The following USP32 variants were observed in gnomAD, a reference collection of about 807,000 sequenced individuals.
USP32 encodes ubiquitin carboxyl-terminal hydrolase 32.
A neutral mutation model predicts 204.8 loss-of-function variants in USP32; 59 were observed. The observed-to-expected ratio is 0.29, with a 90% CI of 0.23 to 0.36. USP32 has a LOEUF of 0.36. Ranked by LOEUF, USP32 falls within the 10% of genes least tolerant of loss-of-function variation. The pLI is 1.00. For missense variants in USP32, 1,160 were observed against 1,946.4 expected, an observed-to-expected ratio of 0.60 and a Z score of 7.60; for synonymous variants, 517 against 678.4, an observed-to-expected ratio of 0.76 and a Z score of 3.70.
chr17:60,410,529 G>A (rs187372843), intron 1 of USP32, among the ~76,000 whole-genome samples: 27 of 152,068 alleles, frequency 1.8e-4, no homozygotes, highest in Admixed American at 9.8e-4. Context: ...TTAGCTGGGC[G>A]TGGTGGCAGG....
At chr17:60,226,335 T>A in intron 12 of USP32, 104 bp from the exon 13 acceptor site, 1 of 1,087,352 alleles carries the variant, frequency 9.2e-7, no homozygotes, top group Non-Finnish European at 1.3e-6. Context: ...AAGTCTCCTG[T>A]GGTTGGCCAC....
At chr17:60,321,387 A>G (rs997674382) in intron 2 of USP32, among the ~76,000 whole-genome samples, 3 of 152,208 alleles carry the variant, frequency 2.0e-5, no homozygotes, top group Non-Finnish European at 4.4e-5. Flanking sequence ...CATCATTATC[A>G]AGGATCTGAT....
rs755132565 is a variant in USP32, at chr17:60,271,334, A to G, written c.703+16T>C. 1 of 1,612,948 alleles carries G rather than the reference A, an allele frequency of 6.2e-7. No homozygotes were observed. The highest frequency in any genetic ancestry group is 1.1e-5 in the South Asian group (1 of 90,848). Reference sequence around the variant, plus strand: ...GTTTACCAGTGAACATATGTAGAAAATGGAATGATCCCTACCTTCACTTAG... The same window carrying G: ...GTTTACCAGTGAACATATGTAGAAAGTGGAATGATCCCTACCTTCACTTAG... On this transcript the variant is annotated intron_variant, in intron 6 of 33. Coordinates refer to ENST00000300896, the MANE Select transcript of USP32 (RefSeq NM_032582.4).
intron 2 of USP32, among the ~76,000 whole-genome samples, chr17:60,344,967 A>T (rs545390285): frequency 6.6e-6 from 1 of 152,288 alleles, no homozygotes; most frequent in South Asian, 2.1e-4. Context: ...CCGGTTAAAC[A>T]TATTATTTTT....
At chr17:60,252,253 A>G in intron 11 of USP32, 128 bp downstream of exon 11, 1 of 773,672 alleles carries the variant, frequency 1.3e-6, no homozygotes, top group South Asian at 2.0e-5. Context: ...TAACAAAAAT[A>G]TTTCAATATG....
intron 1 of USP32, among the ~76,000 whole-genome samples, chr17:60,380,542 T>C (rs1386291310): frequency 2.0e-5 from 3 of 152,132 alleles, no homozygotes; most frequent in Admixed American, 6.6e-5. Context: ...CACTCCAGCC[T>C]GGGTGGCATA....
At chr17:60,381,117 G>A (rs1446290105) in intron 1 of USP32, among the ~76,000 whole-genome samples, 2 of 152,156 alleles carry the variant, frequency 1.3e-5, no homozygotes, top group African/African-American at 4.8e-5. Context: ...AAGCACAGCA[G>A]CACTAGGTAG....
intron 24 of USP32, chr17:60,207,752 T>C (rs2084865206): frequency 4.4e-6 from 1 of 227,428 alleles, no homozygotes; most frequent in Non-Finnish European, 8.4e-6. Context: ...AGCAGCAGTC[T>C]TTGGTAACAG....
intron 9 of USP32, among the ~76,000 whole-genome samples, chr17:60,262,440 C>T (rs183527257): frequency 6.6e-6 from 1 of 152,362 alleles, no homozygotes; most frequent in African/African-American, 2.4e-5. Flanking sequence ...GATCCGCCCA[C>T]TGTGGCCTCC....
At chr17:60,385,841 A>C (rs1443441638) in intron 1 of USP32, among the ~76,000 whole-genome samples, 3 of 151,262 alleles carry the variant, frequency 2.0e-5, no homozygotes, top group Non-Finnish European at 4.4e-5. Context: ...TCTGTCTCAA[A>C]AAAAAAAAAA....
chr17:60,368,037 G>A (rs185616301), intron 1 of USP32, among the ~76,000 whole-genome samples: 5 of 152,192 alleles, frequency 3.3e-5, no homozygotes, highest in African/African-American at 4.8e-5. Context: ...AGAAACATGA[G>A]CATCCTTGGA....
intron 1 of USP32, among the ~76,000 whole-genome samples, chr17:60,408,971 G>A (rs1317627054): frequency 1.3e-5 from 2 of 152,160 alleles, no homozygotes; most frequent in African/African-American, 2.4e-5. Context: ...GCTACCCTAT[G>A]CTTATAAAAC....
chr17:60,347,283 C>T (rs1330672564), intron 1 of USP32, among the ~76,000 whole-genome samples: 1 of 151,210 alleles, frequency 6.6e-6, no homozygotes, highest in Non-Finnish European at 1.5e-5. Flanking sequence ...CTCCCAGGTT[C>T]AAGCAATTTG....
At chr17:60,261,623 G>A (rs2086455230) in intron 9 of USP32, among the ~76,000 whole-genome samples, 1 of 151,780 alleles carries the variant, frequency 6.6e-6, no homozygotes, top group Non-Finnish European at 1.5e-5. Flanking sequence ...TCCAGCCTGG[G>A]TGACAGAGCA....
Position 60,195,499 on chromosome 17 carries a change from G to A in USP32, c.3435-2569C>T, listed in dbSNP as rs142335014. On this transcript the variant is annotated intron_variant, in intron 27 of 33. Transcript: ENST00000300896. ...ATTACAGGCACGTACCACCATGCCC[G>A]GCTAATTTTTGCATTTTTAGTAGAG... Among the ~76,000 whole-genome samples the A allele has an allele frequency of 1.0e-3, 159 of 152,212 alleles. 1 individual carries two copies. The Middle Eastern group carries it at 0.021, about 20-fold the overall frequency.
chr17:60,249,467 T>G (rs1181039413), intron 11 of USP32: 4 of 427,524 alleles, frequency 9.4e-6, no homozygotes, highest in African/African-American at 8.2e-5. Context: ...AGTCTGCTGC[T>G]TCCCCTAACC....
intron 2 of USP32, among the ~76,000 whole-genome samples, chr17:60,321,239 C>T (rs1252872955): frequency 6.6e-6 from 1 of 151,976 alleles, no homozygotes; most frequent in East Asian, 1.9e-4. Flanking sequence ...CAGCATAGAC[C>T]AAAACCCAGG....
upstream of USP32, among the ~76,000 whole-genome samples, chr17:60,394,782 C>G (rs974926386): frequency 7.9e-5 from 12 of 152,010 alleles, no homozygotes; most frequent in African/African-American, 2.9e-4. Flanking sequence ...CTTGCTCTGT[C>G]GCCCAGGCTG....
intron 12 of USP32, 144 bp from the exon 13 acceptor site, chr17:60,226,375 T>A: frequency 1.5e-6 from 1 of 678,956 alleles, no homozygotes; most frequent in Non-Finnish European, 2.2e-6. Context: ...AATACATAGC[T>A]ATATTTTAAT....
Sources: gnomAD v4.1 joint callset for allele counts (sites outside exome capture counted in the v4.1 genomes callset) on GRCh38, gnomAD v4.1.1 for gene constraint, MANE v1.5 for transcripts, NCBI Gene and HGNC (gene_info 2026-07-23, HGNC 2026-07-21) for gene names.